The following KATNA1 variants were observed in gnomAD, a reference collection of about 807,000 sequenced individuals.
The protein encoded by KATNA1 is katanin p60 ATPase-containing subunit A1.
KATNA1 carries 42 observed loss-of-function variants against 62.6 expected under a neutral mutation model. The ratio of observed to expected loss-of-function variants is 0.67; its 90% confidence interval spans 0.52 to 0.87. The LOEUF (loss-of-function observed/expected upper bound fraction) is 0.87, where lower values mean the gene tolerates loss of function less well. Ranked by LOEUF, KATNA1 falls within the 40% of genes least tolerant of loss-of-function variation. The probability of loss-of-function intolerance (pLI) is 0.00; values close to 1 mark genes in which losing one functional copy is unlikely to be tolerated. For missense variants in KATNA1, 498 were observed against 612.5 expected (o/e 0.81, Z 1.97); for synonymous variants, 186 against 201.9 (o/e 0.92, Z 0.67).
chr6:149,641,343 A>T (rs752516068), intron 1 of KATNA1, among the ~76,000 whole-genome samples: 1 of 151,062 alleles, frequency 6.6e-6, no homozygotes, highest in Non-Finnish European at 1.5e-5. Flanking sequence ...CGCTCGGCTA[A>T]TTTTTTGTAT....
At chr6:149,607,132 C>A (rs1046364798) in intron 4 of KATNA1, among the ~76,000 whole-genome samples, 1 of 152,130 alleles carries the variant, frequency 6.6e-6, no homozygotes, top group Admixed American at 6.5e-5. Context: ...TTTCTTTTCT[C>A]CCATAGAACA....
At chr6:149,622,143 T>G (rs1779423408) in intron 4 of KATNA1, among the ~76,000 whole-genome samples, 1 of 151,830 alleles carries the variant, frequency 6.6e-6, no homozygotes. Flanking sequence ...TTTTTTTTTT[T>G]TTTCCTCAAG....
At chr6:149,623,914 A>C (rs1031890153) in intron 3 of KATNA1, among the ~76,000 whole-genome samples, 4 of 152,188 alleles carry the variant, frequency 2.6e-5, no homozygotes, top group African/African-American at 9.6e-5. Flanking sequence ...AAACTGAAAA[A>C]AAATTATCAG....
At chr6:149,601,448 A>C in intron 7 of KATNA1, 146 bp downstream of exon 7, 1 of 508,462 alleles carries the variant, frequency 2.0e-6, no homozygotes, top group Non-Finnish European at 3.3e-6. Flanking sequence ...CATGTTTGTA[A>C]AGAAATCTAG....
rs1778251833 is a variant in KATNA1 at position 149,595,181 on chromosome 6, T to C, written c.1331A>G (p.Glu444Gly). Residue 444 changes from glutamate (E) to glycine (G), a missense_variant, in exon 11 of 11, where the codon GAA (glutamate) becomes GGA (glycine). Transcript: ENST00000367411. ...RRRIEGLTPE[E>G]IRNLSKEEMH... Reference sequence around the variant, plus strand: ...TTCTTCTTTGGAAAGATTTCGGATTTCCTCTGGAGTCAAACCTTCAATGCG... The same window carrying C: ...TTCTTCTTTGGAAAGATTTCGGATTCCCTCTGGAGTCAAACCTTCAATGCG... 2 of 1,614,136 alleles carry C rather than the reference T, an allele frequency of 1.2e-6. No homozygotes were observed. The highest frequency in any genetic ancestry group is 1.7e-6 in the Non-Finnish European group (2 of 1,180,010).
chr6:149,615,917 G>T (rs530338472), intron 4 of KATNA1, among the ~76,000 whole-genome samples: 1 of 152,224 alleles, frequency 6.6e-6, no homozygotes, highest in African/African-American at 2.4e-5. Flanking sequence ...AATGAAAAAA[G>T]ATACTCCACA....
chr6:149,603,358 A>G lies in KATNA1; in HGVS notation c.639T>C (p.Asp213=). 6.4e-7 allele frequency: 1 copy of G among 1,552,180 alleles called. No homozygotes were observed. Among genetic ancestry groups the G allele is most frequent in the Non-Finnish European group, 8.9e-7 (1 of 1,127,706 alleles). The change falls in exon 6 of 11, where the codon GAT becomes GAC. Residue 213 remains aspartate (D), a synonymous_variant. Coordinates refer to ENST00000367411, the MANE Select transcript of KATNA1 (RefSeq NM_007044.4). ...TAAGCAACTTTTTAGCTTCTACTAA[A>G]TCAGCGATATCATCCCTGAAAGAGA... is the stretch of plus-strand genomic sequence containing the variant. The part of the protein sequence containing the change: ...NPNVRWDDIA[D]LVEAKKLLKE...
At chr6:149,634,552 C>CTGTA (rs1178004114) in intron 2 of KATNA1, among the ~76,000 whole-genome samples, 1 of 152,112 alleles carries the variant, frequency 6.6e-6, no homozygotes, top group Admixed American at 6.6e-5. Flanking sequence ...GTTGCCCAGG[C>CTGTA]TGTACTACAG....
rs530315869 is a variant in KATNA1 at position 149,595,297 on chromosome 6, G to GTTAA, written c.1278-67_1278-64dup. On this transcript the variant is annotated intron_variant, in intron 10 of 10. Coordinates refer to ENST00000367411, the MANE Select transcript of KATNA1 (RefSeq NM_007044.4). ...TGTTACTTTGGTTAAATGAAAACCTGTTAATAGAAAAATTTTCAATTGATC... is the reference window on the plus strand; with the variant it reads ...TGTTACTTTGGTTAAATGAAAACCTGTTAATTAATAGAAAAATTTTCAATTGATC... The GTTAA allele has an allele frequency of 2.2e-4, 293 of 1,359,350 alleles. 2 individuals are homozygous for GTTAA. The East Asian group carries it at 6.8e-3, about 32-fold the overall frequency. 84.2% of individuals were successfully genotyped at this position (1,359,350 alleles called of 1,614,324 possible).
intron 10 of KATNA1, among the ~76,000 whole-genome samples, chr6:149,596,428 G>T (rs752284996): frequency 3.7e-4 from 57 of 152,258 alleles, no homozygotes; most frequent in African/African-American, 1.3e-3. Context: ...CCAGCTACTC[G>T]GGAGGCTGAG....
intron 4 of KATNA1, among the ~76,000 whole-genome samples, chr6:149,615,297 C>T (rs1779128698): frequency 6.6e-6 from 1 of 151,204 alleles, no homozygotes; most frequent in African/African-American, 2.4e-5. Flanking sequence ...CTCTGCCTCC[C>T]GGGTTCAAGA....
At chr6:149,629,640 A>G (rs961877187) in intron 3 of KATNA1, among the ~76,000 whole-genome samples, 1 of 152,202 alleles carries the variant, frequency 6.6e-6, no homozygotes, top group East Asian at 1.9e-4. Context: ...TATTAGTTCT[A>G]CTTCTGAAAT....
At chr6:149,606,334 A>T (rs1370670686) in intron 4 of KATNA1, among the ~76,000 whole-genome samples, 1 of 152,196 alleles carries the variant, frequency 6.6e-6, no homozygotes, top group Non-Finnish European at 1.5e-5. Context: ...ACTTATGAAT[A>T]TTATAGGCCA....
intron 4 of KATNA1, among the ~76,000 whole-genome samples, chr6:149,610,879 A>G (rs1327300388): frequency 6.6e-6 from 1 of 152,120 alleles, no homozygotes; most frequent in African/African-American, 2.4e-5. Flanking sequence ...GAGGTCAGGA[A>G]TTTGAGACCA....
rs1380496428 is a variant in KATNA1, at chr6:149,625,473, A to T, written c.321-2190T>A. 3.9e-5 allele frequency among the ~76,000 whole-genome samples: 6 copies of T among 152,076 alleles called. No individual in the cohort carries two copies. The East Asian group carries it at 9.7e-4, about 24-fold the overall frequency. ...GCAAAACTCCATCTCTACTAAAAAT[A>T]CAAAAAATTAGCTGGGTGTGGTGGC... On this transcript the variant is annotated intron_variant, in intron 3 of 10. Transcript: ENST00000367411.
intron 4 of KATNA1, among the ~76,000 whole-genome samples, chr6:149,616,648 G>T (rs1427243363): frequency 6.6e-6 from 1 of 152,168 alleles, no homozygotes; most frequent in East Asian, 1.9e-4. Flanking sequence ...CAGACACTTG[G>T]GAGGCTGAGG....
At chr6:149,622,134 T>G (rs1193195305) in intron 4 of KATNA1, among the ~76,000 whole-genome samples, 2 of 38,392 alleles carry the variant, frequency 5.2e-5, no homozygotes, top group Non-Finnish European at 7.2e-5. Context: ...TTTTTTTTGT[T>G]TTTTTTTTTT....
intron 2 of KATNA1, among the ~76,000 whole-genome samples, chr6:149,637,559 G>C (rs1008874626): frequency 2.0e-5 from 3 of 152,134 alleles, no homozygotes; most frequent in Non-Finnish European, 4.4e-5. Flanking sequence ...AGGCGTGGTG[G>C]CTCATGCCTG....
chr6:149,617,501 C>G (rs1056905920), intron 4 of KATNA1, among the ~76,000 whole-genome samples: 230 of 152,286 alleles, frequency 1.5e-3, no homozygotes, highest in African/African-American at 5.3e-3. Context: ...ATGACATGTG[C>G]TAAAAACTAT....
Sources: gnomAD v4.1 joint callset for allele counts (sites outside exome capture counted in the v4.1 genomes callset) on GRCh38, gnomAD v4.1.1 for gene constraint, MANE v1.5 for transcripts, NCBI Gene and HGNC (gene_info 2026-07-23, HGNC 2026-07-21) for gene names.